The following CLUAP1 variants were observed in gnomAD, a reference collection of about 807,000 sequenced individuals.
CLUAP1 encodes the protein clusterin-associated protein 1.
CLUAP1 carries 50 observed loss-of-function variants against 55.0 expected under a neutral mutation model. That is an observed-to-expected ratio of 0.91 (90% CI 0.72 to 1.15). CLUAP1 has a LOEUF of 1.15. Among genes scored for constraint, CLUAP1 ranks in the 50% most tolerant of loss-of-function variants. The pLI is 0.00. For synonymous variants in CLUAP1, 195 were observed against 175.4 expected, an observed-to-expected ratio of 1.11 and a Z score of -0.88; for missense variants, 530 against 507.6, an observed-to-expected ratio of 1.04 and a Z score of -0.42.
intron 4 of CLUAP1, among the ~76,000 whole-genome samples, chr16:3,511,989 G>A (rs1427740190): frequency 6.6e-6 from 1 of 151,930 alleles, no homozygotes; most frequent in African/African-American, 2.4e-5. Context: ...GAATTCAAGA[G>A]CAGCCTGACC....
chr16:3,510,463 C>T (rs1410696219), intron 4 of CLUAP1, among the ~76,000 whole-genome samples: 1 of 152,158 alleles, frequency 6.6e-6, no homozygotes, highest in Non-Finnish European at 1.5e-5. Flanking sequence ...CCAGGAGCGA[C>T]ACTCGTCAGC....
chr16:3,502,244 A>G (rs975231193), intron 1 of CLUAP1, among the ~76,000 whole-genome samples: 3 of 152,054 alleles, frequency 2.0e-5, no homozygotes, highest in Admixed American at 6.6e-5. Context: ...GGAGTTCTAG[A>G]CTAGCCTAGC....
At chr16:3,508,938 G>C (rs949826106) in intron 4 of CLUAP1, among the ~76,000 whole-genome samples, 2 of 148,472 alleles carry the variant, frequency 1.3e-5, no homozygotes, top group South Asian at 4.2e-4. Flanking sequence ...CGGGTGGCGG[G>C]TGGCGTCAGG....
At chr16:3,532,187 C>T (rs2038134949) in intron 10 of CLUAP1, among the ~76,000 whole-genome samples, 1 of 152,098 alleles carries the variant, frequency 6.6e-6, no homozygotes, top group Non-Finnish European at 1.5e-5. Flanking sequence ...AGGACTGTAC[C>T]CATGATTTAC....
intron 6 of CLUAP1, among the ~76,000 whole-genome samples, chr16:3,516,255 C>T (rs987297768): frequency 2.0e-5 from 3 of 152,192 alleles, no homozygotes; most frequent in African/African-American, 7.2e-5. Context: ...ATTTATTTTA[C>T]TCAGTAGACA....
intron 2 of CLUAP1, 143 bp downstream of exon 2, chr16:3,504,974 A>G (rs2037474669): frequency 1.6e-6 from 1 of 640,600 alleles, no homozygotes; most frequent in Admixed American, 2.5e-5. Context: ...GTTACAAAGG[A>G]GTTGTGGCTG....
intron 9 of CLUAP1, among the ~76,000 whole-genome samples, chr16:3,526,806 AG>A (rs2037953626): frequency 6.6e-6 from 1 of 152,172 alleles, no homozygotes; most frequent in African/African-American, 2.4e-5. Context: ...CAGTTAAGAT[AG>A]TGTTTTCCCC....
chr16:3,504,908 G>A, intron 2 of CLUAP1, 77 bp downstream of exon 2: 2 of 880,538 alleles, frequency 2.3e-6, no homozygotes, highest in Non-Finnish European at 3.8e-6. Context: ...ACAGGACACA[G>A]CTGTGATGCT....
chr16:3,515,210 A>C (rs553772236), intron 5 of CLUAP1, among the ~76,000 whole-genome samples: 25 of 151,514 alleles, frequency 1.7e-4, no homozygotes, highest in South Asian at 6.3e-4. Flanking sequence ...AAAAAAAAAG[A>C]AGCAGCAGCA....
chr16:3,507,680 T>TTGTGTG (rs61672090), intron 3 of CLUAP1, among the ~76,000 whole-genome samples: 8,300 of 142,970 alleles, frequency 0.058, 347 homozygotes, highest in African/African-American at 0.11. Context: ...CTTCCAGAGT[T>TTGTGTG]TGTGTGTGTG....
At position 3,512,399 on chromosome 16, in the gene CLUAP1, C is replaced by A; in HGVS notation, c.416C>A (p.Ala139Glu). 1 of 1,613,834 alleles carries A rather than the reference C, an allele frequency of 6.2e-7. No individual in the cohort carries two copies. Among genetic ancestry groups the A allele is most frequent in the Non-Finnish European group, 8.5e-7 (1 of 1,179,750 alleles). ...DLGSKIADLKAARQLASEITS... is the reference protein window; with the variant it reads ...DLGSKIADLKEARQLASEITS... ...TCCTTCCAGATTGCAGATTTGAAGG[C>A]AGCCAGGCAGCTTGCGTCTGAAATC... Residue 139 changes from alanine to glutamate, a missense_variant, in exon 5 of 12, where the codon GCA (alanine) becomes GAA (glutamate). Physicochemically the swap from Ala to Glu is moderately radical, Grantham distance 107. Coordinates refer to ENST00000576634, the MANE Select transcript of CLUAP1 (RefSeq NM_015041.3).
intron 4 of CLUAP1, 66 bp from the exon 5 acceptor site, chr16:3,512,317 C>A: frequency 7.9e-7 from 1 of 1,262,562 alleles, no homozygotes; most frequent in South Asian, 1.2e-5. Flanking sequence ...GTAACATAGC[C>A]AAGACCCTGT....
At chr16:3,532,377 A>G (rs960330121) in intron 10 of CLUAP1, among the ~76,000 whole-genome samples, 7 of 106,764 alleles carry the variant, frequency 6.6e-5, no homozygotes, top group African/African-American at 2.4e-4. Context: ...CTTATCTACC[A>G]CCTGTTAATG....
intron 8 of CLUAP1, among the ~76,000 whole-genome samples, chr16:3,525,540 TC>T (rs1335371237): frequency 1.3e-5 from 2 of 151,598 alleles, no homozygotes; most frequent in Non-Finnish European, 2.9e-5. Context: ...TGTCTGTCCC[TC>T]CCCCCCACTC....
the CLUAP1 span, among the ~76,000 whole-genome samples, chr16:3,495,800 G>A: frequency 2.6e-5 from 4 of 152,032 alleles, no homozygotes. Context: ...GACCTAGGTC[G>A]GTACTTTGAA....
intron 9 of CLUAP1, among the ~76,000 whole-genome samples, chr16:3,530,025 G>A (rs1383014502): frequency 1.4e-5 from 2 of 145,850 alleles, no homozygotes; most frequent in African/African-American, 2.6e-5. Context: ...GAAATTTAAT[G>A]AGCCACAGTT....
chr16:3,496,297 G>T, upstream of CLUAP1: 2 of 895,468 alleles, frequency 2.2e-6, no homozygotes, highest in East Asian at 3.3e-5. Context: ...TGGTCAAGCT[G>T]TACAGGTTAC....
intron 5 of CLUAP1, among the ~76,000 whole-genome samples, chr16:3,514,794 G>A (rs571813176): frequency 6.6e-6 from 1 of 152,276 alleles, no homozygotes; most frequent in Admixed American, 6.5e-5. Context: ...TCATCACATT[G>A]TGGTTTCGAG....
At chr16:3,498,829 C>G (rs1022229214), upstream of CLUAP1, among the ~76,000 whole-genome samples, 2 of 152,036 alleles carry the variant, frequency 1.3e-5, no homozygotes, top group Admixed American at 6.6e-5. Flanking sequence ...CACTGGCACT[C>G]CAGACTGGGT....
Sources: gnomAD v4.1 joint callset for allele counts (sites outside exome capture counted in the v4.1 genomes callset) on GRCh38, gnomAD v4.1.1 for gene constraint, MANE v1.5 for transcripts, NCBI Gene and HGNC (gene_info 2026-07-23, HGNC 2026-07-21) for gene names.